The following IQCH variants were observed in gnomAD, a reference collection of about 807,000 sequenced individuals.
The protein encoded by IQCH is IQ motif containing H, also known as IQ domain-containing protein H.
In IQCH, 98 loss-of-function variants were observed where a neutral mutation model predicts 117.0. The observed-to-expected ratio is 0.84, with a 90% confidence interval of 0.71 to 0.99. The LOEUF is 0.99. Among genes scored for constraint, IQCH ranks in the 50% least tolerant of loss-of-function variants. IQCH has a pLI of 0.00. For synonymous variants in IQCH, 412 were observed against 448.2 expected, an observed-to-expected ratio of 0.92 and a Z score of 1.02; for missense variants, 1,102 against 1,243.8, an observed-to-expected ratio of 0.89 and a Z score of 1.72.
In IQCH at chr15:67,357,368, C is replaced by T. The variant is rs768351709; in HGVS notation, c.661C>T (p.Pro221Ser). Residue 221 changes from proline (P) to serine (S), a missense_variant, in exon 7 of 21, where the codon CCA becomes TCA. Pro to Ser is a moderately conservative substitution (Grantham distance 74, BLOSUM62 -1). Around this residue, in one of 2 missense-constraint regions of IQCH, gnomAD observed 452 missense variants for 449.6 expected, o/e 1.01. Transcript: ENST00000335894. ...AGCCACTTTCACTATACCTCGGGAA[C>T]CACCTCCATCTCCAGCAGAAGTGAA... is the stretch of plus-strand genomic sequence containing the variant. Reference protein sequence around the residue: ...TVATFTIPREPPPSPAEVKFF... With the variant: ...TVATFTIPRESPPSPAEVKFF... 5.6e-6 allele frequency: 9 copies of T among 1,610,650 alleles called. No individual in the cohort carries two copies. The South Asian group carries it at 9.9e-5, about 18-fold the overall frequency.
rs1444539904 is a variant in IQCH, at chr15:67,407,491, G to GT, written c.2097+7186_2097+7187insT. The GT allele has an allele frequency of 6.6e-6, 1 of 152,180 alleles. No individual in the cohort carries two copies. Among genetic ancestry groups the GT allele is most frequent in the Non-Finnish European group, 1.5e-5 (1 of 68,038 alleles). The allele number at this position is 152,180 out of a possible 1,614,324, so 9.4% of individuals were successfully genotyped here. A position where few individuals can be genotyped will look rare whatever the true frequency, so the allele number is the denominator to read the frequency against. ...GAGGTGTTTCTCTGTGCCTGAGGAA[G>GT]ATGACAGGAGAAGGAAAATTGCCTC... On this transcript the variant is annotated intron_variant, in intron 14 of 20. Transcript: ENST00000335894. The surrounding 1 kb of genome is among the most constrained non-coding windows in gnomAD (Gnocchi z 5.3).
At chr15:67,349,581 G>A (rs188279378) in intron 6 of IQCH, among the ~76,000 whole-genome samples, 1 of 144,752 alleles carries the variant, frequency 6.9e-6, no homozygotes, top group Non-Finnish European at 1.5e-5. Flanking sequence ...GCTCCAGCCT[G>A]GGCAACAAGA....
intron 5 of IQCH, among the ~76,000 whole-genome samples, chr15:67,337,610 A>T (rs1968953390): frequency 6.6e-6 from 1 of 152,200 alleles, no homozygotes; most frequent in Admixed American, 6.5e-5. Context: ...TAGCACCTAG[A>T]ACCATATCCA....
chr15:67,404,683 T>G lies in IQCH; in HGVS notation c.2097+4378T>G, dbSNP rs1045858476. The G allele has an allele frequency of 7.2e-5, 11 of 152,220 alleles. No individual in the cohort carries two copies. Among genetic ancestry groups the G allele is most frequent in the African/African-American group, 2.4e-4 (10 of 41,456 alleles). The allele number at this position is 152,220 out of a possible 1,614,324, so 9.4% of individuals were successfully genotyped here. On this transcript the variant is annotated intron_variant, in intron 14 of 20. Transcript: ENST00000335894. The surrounding 1 kb of genome is among the most constrained non-coding windows in gnomAD (Gnocchi z 4.6). Reference sequence around the variant, plus strand: ...AAATATTTTCCATGTTTATACATAGTCGTCACAATTATTAGATGCATAATA... The same window carrying G: ...AAATATTTTCCATGTTTATACATAGGCGTCACAATTATTAGATGCATAATA...
chr15:67,453,608 G>A lies in IQCH; in HGVS notation c.2506-11519G>A, dbSNP rs890228263. Among the ~76,000 whole-genome samples the A allele has an allele frequency of 2.0e-5, 3 of 152,126 alleles. No individual in the cohort carries two copies. Among genetic ancestry groups the A allele is most frequent in the African/African-American group, 4.8e-5 (2 of 41,418 alleles). The stretch of plus-strand genomic sequence containing the variant: ...CAAGTTTTGTCTCAGAGGAGTACCC[G>A]GCCATGTAAGGTGTCAGTCCGCCCC... On this transcript the variant is annotated intron_variant, in intron 16 of 20. Coordinates refer to ENST00000335894, the MANE Select transcript of IQCH (RefSeq NM_001031715.3). This position sits in a 1 kb window ranked among gnomAD's most constrained non-coding sequence, Gnocchi z 5.8.
intron 4 of IQCH, chr15:67,304,450 G>T: frequency 6.8e-7 from 1 of 1,468,176 alleles, no homozygotes; most frequent in Non-Finnish European, 9.2e-7. Context: ...TCAGAGAAAA[G>T]CATGTGTAAG....
At chr15:67,449,496 G>A (rs1165203453) in intron 16 of IQCH, among the ~76,000 whole-genome samples, 3 of 152,080 alleles carry the variant, frequency 2.0e-5, no homozygotes, top group Non-Finnish European at 4.4e-5. Context: ...TTTCCCCATT[G>A]CTTGTTTTTG....
In IQCH at chr15:67,466,545, G is replaced by A. The variant is rs1169305194; in HGVS notation, c.2676+1248G>A. On this transcript the variant is annotated intron_variant, in intron 17 of 20. Transcript: ENST00000335894. This position sits in a 1 kb window ranked among gnomAD's most constrained non-coding sequence, Gnocchi z 4.4. ...TGTGAACCCCTTTGGGTCCAGTCTG[G>A]ATTTGAATAACCTTTGACTCTTCCC... 6.6e-6 allele frequency: 1 copy of A among 152,132 alleles called. No homozygotes were observed. Among genetic ancestry groups the A allele is most frequent in the Non-Finnish European group, 1.5e-5 (1 of 68,046 alleles). 9.4% of individuals were successfully genotyped at this position (152,132 alleles called of 1,614,324 possible).
intron 4 of IQCH, among the ~76,000 whole-genome samples, chr15:67,324,453 T>C (rs1398990787): frequency 2.0e-5 from 3 of 151,206 alleles, no homozygotes; most frequent in Admixed American, 2.0e-4. Flanking sequence ...CTACTGAAAA[T>C]ATAAAAATTA....
intron 4 of IQCH, among the ~76,000 whole-genome samples, chr15:67,300,554 G>C (rs1409770097): frequency 6.6e-6 from 1 of 152,166 alleles, no homozygotes; most frequent in African/African-American, 2.4e-5. Context: ...AACAGCAGCT[G>C]TCTTTAACCA....
At position 67,285,977 on chromosome 15, in the gene IQCH, T is replaced by G. The variant is rs145618411; in HGVS notation, c.387+6465T>G. Among the ~76,000 whole-genome samples, 102 of 152,340 alleles carry G rather than the reference T, an allele frequency of 6.7e-4. 4 individuals carry two copies. The East Asian group carries it at 0.012, about 18-fold the overall frequency. On this transcript the variant is annotated intron_variant, in intron 4 of 20. Coordinates refer to ENST00000335894, the MANE Select transcript of IQCH (RefSeq NM_001031715.3). ...GTTTTTTCTAATTTTATGAAGAATG[T>G]CATTGGTACTTTGATAGGGATTGCA... is the stretch of plus-strand genomic sequence containing the variant.
chr15:67,405,132 A>G lies in IQCH; in HGVS notation c.2097+4827A>G, dbSNP rs1426993521. ...TTCATGTCCTTATTATTTGTGTTTT[A>G]TATCAAAAATGCAAGATCTTTATTT... is the stretch of plus-strand genomic sequence containing the variant. On this transcript the variant is annotated intron_variant, in intron 14 of 20. Coordinates refer to ENST00000335894, the MANE Select transcript of IQCH (RefSeq NM_001031715.3). This position sits in a 1 kb window ranked among gnomAD's most constrained non-coding sequence, Gnocchi z 4.8. The G allele has an allele frequency of 6.6e-6, 1 of 152,160 alleles. No homozygotes were observed. Among genetic ancestry groups the G allele is most frequent in the Non-Finnish European group, 1.5e-5 (1 of 68,020 alleles). The allele number at this position is 152,160 out of a possible 1,614,324, so 9.4% of individuals were successfully genotyped here.
intron 4 of IQCH, among the ~76,000 whole-genome samples, chr15:67,285,299 GT>G (rs35324987): frequency 0.3 from 44,799 of 149,638 alleles, 6,780 homozygotes; most frequent in South Asian, 0.38. Context: ...ACTTTTTAAT[GT>G]TTTTTTTTTC....
intron 16 of IQCH, among the ~76,000 whole-genome samples, chr15:67,438,552 A>T (rs1456099049): frequency 6.6e-6 from 1 of 152,240 alleles, no homozygotes; most frequent in Non-Finnish European, 1.5e-5. Flanking sequence ...ATGAAACAGT[A>T]CCTCATATTT....
chr15:67,305,665 T>C (rs1464577991), intron 4 of IQCH, among the ~76,000 whole-genome samples: 5 of 152,104 alleles, frequency 3.3e-5, no homozygotes, highest in African/African-American at 4.8e-5. Flanking sequence ...GGAGGAGTAC[T>C]GAGGCTTTGT....
intron 6 of IQCH, among the ~76,000 whole-genome samples, chr15:67,348,380 C>CAT (rs397735274): frequency 3.3e-5 from 5 of 151,568 alleles, no homozygotes; most frequent in African/African-American, 7.3e-5. Flanking sequence ...CACACACACA[C>CAT]GCACACACAA....
intron 4 of IQCH, among the ~76,000 whole-genome samples, chr15:67,280,730 C>G (rs932047358): frequency 9.2e-5 from 14 of 152,042 alleles, no homozygotes; most frequent in Non-Finnish European, 1.8e-4. Context: ...ATAGCATGCC[C>G]TGACTTAAAA....
intron 20 of IQCH, among the ~76,000 whole-genome samples, chr15:67,497,574 A>G (rs1245088651): frequency 6.6e-6 from 1 of 151,988 alleles, no homozygotes; most frequent in Non-Finnish European, 1.5e-5. Flanking sequence ...GCTCACTGCA[A>G]CCTCTGCCTT....
At chr15:67,452,272 G>A (rs549796806) in intron 16 of IQCH, among the ~76,000 whole-genome samples, 1 of 152,312 alleles carries the variant, frequency 6.6e-6, no homozygotes, top group East Asian at 1.9e-4. Flanking sequence ...TCATTATGAT[G>A]TTAGCTGGTT....
Sources: allele counts gnomAD v4.1 joint callset (sites outside exome capture counted in the v4.1 genomes callset), GRCh38; gene constraint gnomAD v4.1.1; regional missense constraint gnomAD v4.1.1; non-coding constraint Gnocchi (gnomAD v3.1); transcripts MANE v1.5; gene names NCBI Gene and HGNC (gene_info 2026-07-23, HGNC 2026-07-21).